CES5A: variants seen among roughly 807,000 people sequenced by gnomAD.
CES5A encodes carboxylesterase 5.
CES5A carries 67 observed loss-of-function variants against 62.9 expected under a neutral mutation model. The ratio of observed to expected loss-of-function variants is 1.07; its 90% CI spans 0.88 to 1.31. The LOEUF is 1.31. Ranked by LOEUF, CES5A falls within the 50% of genes most tolerant of loss-of-function variation. The pLI, the probability that CES5A is intolerant of heterozygous loss-of-function variation, is 0.00. For synonymous variants in CES5A, 296 were observed against 280.8 expected (o/e 1.05, Z -0.54); for missense variants, 748 against 708.5 (o/e 1.06, Z -0.63).
upstream of CES5A, among the ~76,000 whole-genome samples, chr16:55,926,517 A>G (rs2034258968): frequency 6.6e-6 from 1 of 152,326 alleles, no homozygotes; most frequent in South Asian, 2.1e-4. Flanking sequence ...TTAACTGAAG[A>G]AAAATGAGTG....
chr16:55,954,150 G>A lies in CES5A; in HGVS notation c.42+1694C>T, dbSNP rs182135492. Among the ~76,000 whole-genome samples the A allele has an allele frequency of 3.9e-3, 591 of 152,274 alleles. 2 individuals carry two copies. The highest frequency in any genetic ancestry group is 6.1e-3 in the Non-Finnish European group (412 of 68,030). ...ATGTGAGTGAGGACATTCAAAATGTGTCTTTCAATACCTGCTTTTTAGGTT... is the reference window on the plus strand; with the variant it reads ...ATGTGAGTGAGGACATTCAAAATGTATCTTTCAATACCTGCTTTTTAGGTT... On this transcript the variant is annotated intron_variant, in intron 1 of 13. Coordinates refer to the CES5A transcript ENST00000521992.
At chr16:55,942,290 C>A (rs1440018197) in intron 2 of CES5A, among the ~76,000 whole-genome samples, 1 of 152,098 alleles carries the variant, frequency 6.6e-6, no homozygotes, top group Non-Finnish European at 1.5e-5. Flanking sequence ...GTAAAAAACA[C>A]AAATGGGGAG....
intron 6 of CES5A, among the ~76,000 whole-genome samples, chr16:55,862,439 T>C (rs1166204773): frequency 6.6e-6 from 1 of 152,190 alleles, no homozygotes; most frequent in Non-Finnish European, 1.5e-5. Context: ...TGCCCTCAAA[T>C]TTAGGATGTG....
At chr16:55,944,151 C>A in intron 2 of CES5A, 1 of 701,212 alleles carries the variant, frequency 1.4e-6, no homozygotes, top group Non-Finnish European at 2.6e-6. Flanking sequence ...TACTTATGGG[C>A]TAAGAAATTG....
At chr16:55,863,906 A>G (rs2033404351) in intron 5 of CES5A, among the ~76,000 whole-genome samples, 1 of 151,688 alleles carries the variant, frequency 6.6e-6, no homozygotes, top group African/African-American at 2.4e-5. Flanking sequence ...ACAGGTGCGC[A>G]CCACCACGCC....
intron 1 of CES5A, among the ~76,000 whole-genome samples, chr16:55,917,678 G>A (rs2034161349): frequency 6.6e-6 from 1 of 152,172 alleles, no homozygotes; most frequent in Non-Finnish European, 1.5e-5. Flanking sequence ...AGCCATGGTT[G>A]TAAGCTCATC....
rs200323146 is a variant in CES5A at position 55,856,368 on chromosome 16, G to A, written c.1125+9C>T. 31 of 1,613,670 alleles carry A rather than the reference G, an allele frequency of 1.9e-5. No individual in the cohort carries two copies. The African/African-American group carries it at 3.7e-4, about 19-fold the overall frequency. On this transcript the variant is annotated intron_variant, in intron 9 of 12. Coordinates refer to ENST00000290567, the MANE Select transcript of CES5A (RefSeq NM_001143685.2). ...TCTCTGGAGTACTGCAGCCTCCCAA[G>A]CTACTCACCAGGATGTTTTGTATCA... is the stretch of plus-strand genomic sequence containing the variant.
chr16:55,929,728 A>G (rs1454417102), upstream of CES5A, among the ~76,000 whole-genome samples: 1 of 152,252 alleles, frequency 6.6e-6, no homozygotes, highest in African/African-American at 2.4e-5. Flanking sequence ...GAAGAAAGTG[A>G]GGTCGAATCA....
intron 4 of CES5A, among the ~76,000 whole-genome samples, chr16:55,867,678 G>A (rs543869374): frequency 6.6e-6 from 1 of 152,246 alleles, no homozygotes; most frequent in South Asian, 2.1e-4. Context: ...TTATACCTTA[G>A]TGGTTACTAT....
chr16:55,952,240 G>A (rs1298256210), intron 1 of CES5A, among the ~76,000 whole-genome samples: 1 of 152,050 alleles, frequency 6.6e-6, no homozygotes, highest in Non-Finnish European at 1.5e-5. Flanking sequence ...ATAACAAGGA[G>A]AGGCCATATA....
chr16:55,896,554 T>G (rs574660399), intron 1 of CES5A, among the ~76,000 whole-genome samples: 2 of 152,226 alleles, frequency 1.3e-5, no homozygotes, highest in Non-Finnish European at 2.9e-5. Flanking sequence ...TTAAGTATTC[T>G]GTTACAGCAA....
At chr16:55,852,491 T>C (rs1488577385) in intron 10 of CES5A, among the ~76,000 whole-genome samples, 1 of 152,206 alleles carries the variant, frequency 6.6e-6, no homozygotes, top group Non-Finnish European at 1.5e-5. Context: ...AAATAGTTGA[T>C]TTAAAGTCGA....
At chr16:55,929,825 T>C (rs552041690), upstream of CES5A, among the ~76,000 whole-genome samples, 18 of 152,324 alleles carry the variant, frequency 1.2e-4, no homozygotes, top group Admixed American at 3.3e-4. Flanking sequence ...TTTGAAATTT[T>C]TTAAAATATT....
intron 2 of CES5A, among the ~76,000 whole-genome samples, chr16:55,936,887 C>A (rs2034382343): frequency 6.6e-6 from 1 of 152,060 alleles, no homozygotes; most frequent in Non-Finnish European, 1.5e-5. Flanking sequence ...TCATATATAT[C>A]CATACACCTT....
At chr16:55,922,319 A>G (rs188093046) in intron 1 of CES5A, among the ~76,000 whole-genome samples, 1 of 152,132 alleles carries the variant, frequency 6.6e-6, no homozygotes, top group East Asian at 1.9e-4. Context: ...ACCTATAAAG[A>G]CACAGAGACT....
At chr16:55,920,034 TC>T (rs1446358711) in intron 1 of CES5A, among the ~76,000 whole-genome samples, 1 of 151,786 alleles carries the variant, frequency 6.6e-6, no homozygotes, top group African/African-American at 2.4e-5. Flanking sequence ...CCACCACCCT[TC>T]CCCCACCAGC....
At chr16:55,883,853 C>T (rs2033786434) in intron 1 of CES5A, among the ~76,000 whole-genome samples, 1 of 152,182 alleles carries the variant, frequency 6.6e-6, no homozygotes, top group Non-Finnish European at 1.5e-5. Context: ...AGAGAAATGA[C>T]CACTATTGGT....
chr16:55,905,273 T>C (rs1275529256), intron 1 of CES5A, among the ~76,000 whole-genome samples: 2 of 152,064 alleles, frequency 1.3e-5, no homozygotes, highest in Non-Finnish European at 2.9e-5. Flanking sequence ...GTTTCCACAG[T>C]GAGGGGAGTT....
At chr16:55,943,481 C>A (rs1461540109) in intron 2 of CES5A, among the ~76,000 whole-genome samples, 3 of 152,164 alleles carry the variant, frequency 2.0e-5, no homozygotes, top group African/African-American at 7.2e-5. Context: ...TACAGAGATC[C>A]CCAGGGGCAC....
Sources: gnomAD v4.1 joint callset for allele counts (sites outside exome capture counted in the v4.1 genomes callset) on GRCh38, gnomAD v4.1.1 for gene constraint, MANE v1.5 for transcripts, NCBI Gene and HGNC (gene_info 2026-07-23, HGNC 2026-07-21) for gene names.